The following STAG1 variants were observed in gnomAD, a reference collection of about 807,000 sequenced individuals.
STAG1 encodes the protein cohesin subunit SA-1.
A neutral mutation model predicts 170.9 loss-of-function variants in STAG1; 26 were observed. The observed-to-expected ratio is 0.15, with a 90% CI of 0.11 to 0.21. The LOEUF (loss-of-function observed/expected upper bound fraction) is 0.21, where lower values mean the gene tolerates loss of function less well. Ranked by LOEUF, STAG1 falls within the 10% of genes least tolerant of loss-of-function variation. The pLI, the probability that STAG1 is intolerant of heterozygous loss-of-function variation, is 1.00. For synonymous variants in STAG1, 514 were observed against 497.7 expected, an observed-to-expected ratio of 1.03 and a Z score of -0.44; for missense variants, 964 against 1,509.5, an observed-to-expected ratio of 0.64 and a Z score of 5.99.
chr3:136,477,830 G>A (rs552538653), intron 9 of STAG1, among the ~76,000 whole-genome samples: 4 of 152,156 alleles, frequency 2.6e-5, no homozygotes, highest in East Asian at 3.9e-4. Context: ...TTGCTCTGTC[G>A]CTCATGCTGG....
chr3:136,352,907 G>A (rs888930126), intron 28 of STAG1, among the ~76,000 whole-genome samples: 10 of 152,226 alleles, frequency 6.6e-5, no homozygotes, highest in Admixed American at 2.0e-4. Flanking sequence ...GGGTTTATTA[G>A]ATGTAACCCC....
rs1705579554 is a variant in STAG1, at chr3:136,689,094, T to G, written c.-83-58113A>C. ...CTTTATAGAACTTTACAAAACACTA[T>G]GAACTTCAAGGGGAGTTCCCCAAAT... On this transcript the variant is annotated intron_variant, in intron 1 of 33. Coordinates refer to ENST00000383202, the MANE Select transcript of STAG1 (RefSeq NM_005862.3). Among the ~76,000 whole-genome samples, 6 of 152,258 alleles carry G rather than the reference T, an allele frequency of 3.9e-5. No individual in the cohort carries two copies. The South Asian group carries it at 1.2e-3, about 31-fold the overall frequency.
At chr3:136,736,908 C>T (rs893146596) in intron 1 of STAG1, 2 of 1,588,308 alleles carry the variant, frequency 1.3e-6, no homozygotes, top group Non-Finnish European at 1.7e-6. Context: ...TCTTCTTTTG[C>T]TCCTGATCTA....
At chr3:136,726,107 A>G (rs549333145) in intron 1 of STAG1, among the ~76,000 whole-genome samples, 27 of 152,244 alleles carry the variant, frequency 1.8e-4, no homozygotes, top group African/African-American at 6.5e-4. Flanking sequence ...CCACCATCCA[A>G]TATTCACACA....
intron 32 of STAG1, among the ~76,000 whole-genome samples, chr3:136,339,925 A>C (rs1231912443): frequency 1.3e-5 from 2 of 152,198 alleles, no homozygotes; most frequent in African/African-American, 4.8e-5. Flanking sequence ...CTCAAATTTA[A>C]AGCACAAGAG....
At chr3:136,499,550 C>T (rs1933353482) in intron 9 of STAG1, among the ~76,000 whole-genome samples, 1 of 152,184 alleles carries the variant, frequency 6.6e-6, no homozygotes, top group Non-Finnish European at 1.5e-5. Flanking sequence ...TTACACACAT[C>T]ACATCTAATC....
intron 1 of STAG1, among the ~76,000 whole-genome samples, chr3:136,719,161 AAATT>A (rs1331816007): frequency 1.3e-5 from 2 of 152,216 alleles, no homozygotes; most frequent in African/African-American, 2.4e-5. Context: ...TGAAGTAAAC[AAATT>A]AATAAAATGA....
chr3:136,685,607 A>AATTT (rs1421934134), intron 1 of STAG1, among the ~76,000 whole-genome samples: 3 of 152,226 alleles, frequency 2.0e-5, no homozygotes, highest in African/African-American at 7.2e-5. Flanking sequence ...AACTGTGCTA[A>AATTT]AAGAAATGAG....
At chr3:136,344,034 A>G (rs182131103) in intron 29 of STAG1, 28 bp from the exon 30 acceptor site, 5 of 1,529,306 alleles carry the variant, frequency 3.3e-6, no homozygotes, top group East Asian at 4.8e-5. Flanking sequence ...AGGTCACACA[A>G]TGTCGTGGGT....
rs779482850 is a variant in STAG1 at position 136,720,244 on chromosome 3, AC to A, written c.-84+31950del. On this transcript the variant is annotated intron_variant, in intron 1 of 33. Coordinates refer to ENST00000383202, the MANE Select transcript of STAG1 (RefSeq NM_005862.3). ...AATTAAGAAGAATGAAACAAGATAA[AC>A]CATCTGTGTGGAATGAACAAAGTAA... Among the ~76,000 whole-genome samples, 184 of 152,238 alleles carry A rather than the reference AC, an allele frequency of 1.2e-3. 1 individual carries two copies. Among genetic ancestry groups the A allele is most frequent in the Non-Finnish European group, 1.4e-3 (97 of 68,022 alleles).
chr3:136,586,802 C>T (rs553934197), intron 4 of STAG1: 1 of 456,078 alleles, frequency 2.2e-6, no homozygotes, highest in African/African-American at 2.0e-5. Flanking sequence ...CTTAGCTCAC[C>T]TGAGTATGTG....
chr3:136,536,498 C>T (rs550682115), intron 6 of STAG1, among the ~76,000 whole-genome samples: 14 of 151,934 alleles, frequency 9.2e-5, no homozygotes, highest in African/African-American at 3.4e-4. Flanking sequence ...ACCAGGAGTT[C>T]GAGACCAGCC....
intron 13 of STAG1, among the ~76,000 whole-genome samples, chr3:136,454,409 C>T (rs867021798): frequency 2.0e-5 from 3 of 151,590 alleles, no homozygotes; most frequent in Non-Finnish European, 2.9e-5. Flanking sequence ...GATGAAGTCT[C>T]ACTCTGTCGG....
At chr3:136,739,518 AAG>A (rs1314928827) in intron 1 of STAG1, among the ~76,000 whole-genome samples, 13 of 148,648 alleles carry the variant, frequency 8.7e-5, no homozygotes, top group South Asian at 2.1e-4. Flanking sequence ...AAAAAAAAAA[AAG>A]AAAAAAAAAA....
At chr3:136,519,822 C>T (rs1005734036) in intron 7 of STAG1, among the ~76,000 whole-genome samples, 1 of 151,930 alleles carries the variant, frequency 6.6e-6, no homozygotes, top group Admixed American at 6.6e-5. Flanking sequence ...AAGATACTCT[C>T]AAAACACAGT....
chr3:136,659,033 G>A (rs935342495), intron 1 of STAG1, among the ~76,000 whole-genome samples: 1 of 152,038 alleles, frequency 6.6e-6, no homozygotes, highest in African/African-American at 2.4e-5. Context: ...AAATTTTGAC[G>A]CTATTCCTGG....
intron 27 of STAG1, among the ~76,000 whole-genome samples, chr3:136,358,074 A>G (rs1210859677): frequency 1.3e-5 from 2 of 150,142 alleles, no homozygotes; most frequent in Admixed American, 1.3e-4. Context: ...ACAGAGCAAC[A>G]AAGCTAAATT....
intron 1 of STAG1, among the ~76,000 whole-genome samples, chr3:136,707,059 G>A (rs951863978): frequency 1.3e-5 from 2 of 152,108 alleles, no homozygotes; most frequent in Non-Finnish European, 2.9e-5. Flanking sequence ...AATCAAAATG[G>A]ATCAGTGGCC....
At chr3:136,348,927 CT>C in intron 29 of STAG1, 1 of 520,704 alleles carries the variant, frequency 1.9e-6, no homozygotes, top group Admixed American at 3.4e-5. Context: ...TAATTTTTTC[CT>C]CTTTTGGGCT....
Sources: gnomAD v4.1 joint callset for allele counts (sites outside exome capture counted in the v4.1 genomes callset) on GRCh38, gnomAD v4.1.1 for gene constraint, MANE v1.5 for transcripts, NCBI Gene and HGNC (gene_info 2026-07-23, HGNC 2026-07-21) for gene names.